FAM83B: variants seen among roughly 807,000 people sequenced by gnomAD.
FAM83B encodes protein FAM83B.
A neutral mutation model predicts 38.8 loss-of-function variants in FAM83B; 26 were observed. That is an observed-to-expected ratio of 0.67 (90% CI 0.49 to 0.93). The LOEUF is 0.93. Ranked by LOEUF, FAM83B falls within the 40% of genes least tolerant of loss-of-function variation. FAM83B has a pLI of 0.00. For synonymous variants in FAM83B, 419 were observed against 423.1 expected (o/e 0.99, Z 0.12); for missense variants, 1,237 against 1,197.3 (o/e 1.03, Z -0.49).
intron 1 of FAM83B, among the ~76,000 whole-genome samples, chr6:54,848,788 C>A (rs1219311840): frequency 6.6e-6 from 1 of 152,108 alleles, no homozygotes; most frequent in Non-Finnish European, 1.5e-5. Flanking sequence ...ACTGTTATCC[C>A]ATCAAAGCGG....
At chr6:54,859,754 T>C (rs993882867) in intron 1 of FAM83B, among the ~76,000 whole-genome samples, 6 of 152,236 alleles carry the variant, frequency 3.9e-5, no homozygotes, top group African/African-American at 1.4e-4. Context: ...TCTGTACCCA[T>C]ATGGCTTTAG....
intron 2 of FAM83B, among the ~76,000 whole-genome samples, chr6:54,914,911 A>C (rs1192316679): frequency 6.6e-6 from 1 of 152,092 alleles, no homozygotes; most frequent in Non-Finnish European, 1.5e-5. Context: ...TCACCACCAA[A>C]ATATGCCTTT....
At chr6:54,883,647 A>G (rs1314498894) in intron 2 of FAM83B, among the ~76,000 whole-genome samples, 1 of 151,470 alleles carries the variant, frequency 6.6e-6, no homozygotes, top group African/African-American at 2.4e-5. Flanking sequence ...ATTGTTTAAA[A>G]CTAGGTTATT....
intron 4 of FAM83B, among the ~76,000 whole-genome samples, chr6:54,934,808 C>A (rs1189319427): frequency 1.3e-5 from 2 of 152,104 alleles, no homozygotes; most frequent in Non-Finnish European, 2.9e-5. Context: ...CTTCCTGTTT[C>A]TCTATTTTCA....
At chr6:54,917,242 C>T (rs1027935248) in intron 2 of FAM83B, among the ~76,000 whole-genome samples, 3 of 152,084 alleles carry the variant, frequency 2.0e-5, no homozygotes, top group Admixed American at 6.5e-5. Flanking sequence ...TTATAACTAC[C>T]TTAGAAACTA....
intron 2 of FAM83B, among the ~76,000 whole-genome samples, chr6:54,912,861 GA>G (rs1390032627): frequency 6.6e-6 from 1 of 151,976 alleles, no homozygotes. Flanking sequence ...GAAGAATGAG[GA>G]ATAGTGGAGT....
chr6:54,898,166 T>C (rs79068510), intron 2 of FAM83B, among the ~76,000 whole-genome samples: 9,138 of 152,232 alleles, frequency 0.06, 913 homozygotes, highest in African/African-American at 0.2. Flanking sequence ...TAGCTTTCTC[T>C]ATATTTCCTC....
Position 54,942,795 on chromosome 6 carries a change from C to T in FAM83B, c.*788C>T, listed in dbSNP as rs549511954. On this transcript the variant is annotated 3_prime_UTR_variant, in exon 5 of 5. Coordinates refer to ENST00000306858, the MANE Select transcript of FAM83B (RefSeq NM_001010872.3). ...GAATTTAGAAAATCTGAATGATTCC[C>T]CCTCCTTTTTCTATTGTATAAAAGC... Among the ~76,000 whole-genome samples the T allele has an allele frequency of 6.6e-6, 1 of 151,464 alleles. No individual in the cohort carries two copies. Among genetic ancestry groups the T allele is most frequent in the Non-Finnish European group, 1.5e-5 (1 of 67,962 alleles).
intron 4 of FAM83B, among the ~76,000 whole-genome samples, chr6:54,939,501 G>A (rs564974984): frequency 6.6e-6 from 1 of 152,246 alleles, no homozygotes; most frequent in Non-Finnish European, 1.5e-5. Context: ...TGGATTCAAA[G>A]CCAAAATTTG....
chr6:54,932,269 C>T (rs916800530), intron 4 of FAM83B, among the ~76,000 whole-genome samples: 5 of 152,258 alleles, frequency 3.3e-5, no homozygotes, highest in Admixed American at 3.3e-4. Flanking sequence ...ACCTCAACCT[C>T]CCAAAGTGCT....
intron 2 of FAM83B, among the ~76,000 whole-genome samples, chr6:54,892,845 G>T (rs6915275): frequency 7.2e-5 from 11 of 151,968 alleles, no homozygotes; most frequent in African/African-American, 2.7e-4. Context: ...TGCGGATGGG[G>T]CTTAGTACCT....
intron 2 of FAM83B, among the ~76,000 whole-genome samples, chr6:54,908,369 G>T (rs1772824275): frequency 6.6e-6 from 1 of 151,882 alleles, no homozygotes; most frequent in African/African-American, 2.4e-5. Context: ...TCATTTTTGA[G>T]AGTTATTCCT....
chr6:54,853,464 T>C (rs1771361508), intron 1 of FAM83B, among the ~76,000 whole-genome samples: 1 of 152,244 alleles, frequency 6.6e-6, no homozygotes, highest in South Asian at 2.1e-4. Flanking sequence ...AGCTGGTGAC[T>C]TTTAAGTTGA....
At chr6:54,878,399 A>G (rs534505685) in intron 2 of FAM83B, among the ~76,000 whole-genome samples, 1 of 152,212 alleles carries the variant, frequency 6.6e-6, no homozygotes, top group South Asian at 2.1e-4. Context: ...GAAGAAGCAA[A>G]ACACAAATAT....
chr6:54,852,601 C>T (rs1190885192), intron 1 of FAM83B, among the ~76,000 whole-genome samples: 3 of 152,194 alleles, frequency 2.0e-5, no homozygotes, highest in Admixed American at 2.0e-4. Context: ...GTTGCATGCC[C>T]TCATTTTAAA....
intron 1 of FAM83B, among the ~76,000 whole-genome samples, chr6:54,864,253 G>A (rs796806762): frequency 2.6e-5 from 4 of 152,292 alleles, no homozygotes; most frequent in African/African-American, 7.2e-5. Context: ...TGGTATGAAA[G>A]TGATATTGCT....
chr6:54,903,476 A>T (rs116249906), intron 2 of FAM83B, among the ~76,000 whole-genome samples: 2 of 152,198 alleles, frequency 1.3e-5, no homozygotes, highest in Non-Finnish European at 2.9e-5. Flanking sequence ...AATGTTGTCA[A>T]TAGCTTCAAT....
At chr6:54,856,181 A>G (rs1258345182) in intron 1 of FAM83B, among the ~76,000 whole-genome samples, 1 of 152,166 alleles carries the variant, frequency 6.6e-6, no homozygotes, top group Non-Finnish European at 1.5e-5. Context: ...GAGTGGAAAA[A>G]GCAAGATTTA....
At chr6:54,939,591 A>G (rs1773606932) in intron 4 of FAM83B, 115 bp from the exon 5 acceptor site, 1 of 950,516 alleles carries the variant, frequency 1.1e-6, no homozygotes, top group Middle Eastern at 3.3e-4. Flanking sequence ...ATTCTAAATA[A>G]TGATAGCCAA....
Sources: gnomAD v4.1 joint callset for allele counts (sites outside exome capture counted in the v4.1 genomes callset) on GRCh38, gnomAD v4.1.1 for gene constraint, MANE v1.5 for transcripts, NCBI Gene and HGNC (gene_info 2026-07-23, HGNC 2026-07-21) for gene names.